The following FANCA variants were observed in gnomAD, a reference collection of about 807,000 sequenced individuals.
The protein encoded by FANCA is Fanconi anemia group A protein.
In FANCA, 236 loss-of-function variants were observed where a neutral mutation model predicts 194.3. The observed-to-expected ratio is 1.21, with a 90% CI of 1.09 to 1.35. FANCA has a LOEUF of 1.35. Among genes scored for constraint, FANCA ranks in the 40% most tolerant of loss-of-function variants. FANCA has a pLI of 0.00. For missense variants in FANCA, 2,628 were observed against 1,813.9 expected (o/e 1.45, Z -8.15); for synonymous variants, 1,014 against 715.8 (o/e 1.42, Z -6.65).
intron 17 of FANCA, among the ~76,000 whole-genome samples, chr16:89,782,129 A>G (rs1398101604): frequency 6.6e-6 from 1 of 151,808 alleles, no homozygotes; most frequent in Non-Finnish European, 1.5e-5. Flanking sequence ...TAATCCCAGC[A>G]CTTTGGGAGG....
chr16:89,785,440 G>C (rs970095620), intron 14 of FANCA, among the ~76,000 whole-genome samples: 2 of 152,160 alleles, frequency 1.3e-5, no homozygotes, highest in African/African-American at 4.8e-5. Flanking sequence ...TCATCCACCA[G>C]TGGACAGATC....
chr16:89,749,947 C>T lies in FANCA; in HGVS notation c.3067-45G>A, dbSNP rs188298580. The T allele has an allele frequency of 1.2e-5, 19 of 1,608,674 alleles. No individual in the cohort carries two copies. The East Asian group carries it at 3.1e-4, about 26-fold the overall frequency. ...TGGCACAGGAAGGCCTCGGGGCTCA[C>T]TGCCCAGCCAGTCGGGGACCCAGAC... On this transcript the variant is annotated intron_variant, in intron 31 of 42. Transcript: ENST00000389301.
chr16:89,743,907 C>T (rs1046962649), intron 36 of FANCA, among the ~76,000 whole-genome samples: 4 of 147,272 alleles, frequency 2.7e-5, no homozygotes, highest in African/African-American at 5.2e-5. Context: ...CCTGCTTTCT[C>T]CTTTTTTGAG....
At chr16:89,791,585 G>A (rs1015428393) in intron 13 of FANCA, 49 bp from the exon 14 acceptor site, 1 of 1,610,700 alleles carries the variant, frequency 6.2e-7, no homozygotes, top group Non-Finnish European at 8.5e-7. Context: ...GCAGCCAGCA[G>A]GAACATGACG....
rs372449817 is a variant in FANCA at position 89,745,023 on chromosome 16, G to A, written c.3562C>T (p.His1188Tyr). ...EPVLLCRWRR[H>Y]CQSPLPRELQ... ...TCCCGGGGCAGCGGGCTCTGGCAGT[G>A]TCTCCTCCACCGGCAGAGCAGCACA... is the stretch of plus-strand genomic sequence containing the variant. Residue 1188 changes from histidine to tyrosine, a missense_variant, in exon 36 of 43, where the codon CAC becomes TAC. His to Tyr is a moderately conservative substitution (Grantham distance 83). Transcript: ENST00000389301. 2 of 1,610,684 alleles carry A rather than the reference G, an allele frequency of 1.2e-6. No individual in the cohort carries two copies. The highest frequency in any genetic ancestry group is 1.7e-6 in the Non-Finnish European group (2 of 1,179,866).
At chr16:89,810,653 C>A in intron 5 of FANCA, 54 bp downstream of exon 5, 1 of 1,173,872 alleles carries the variant, frequency 8.5e-7, no homozygotes, top group South Asian at 1.2e-5. Context: ...CCATCCAGAT[C>A]AACAGAACAT....
At chr16:89,796,976 A>G (rs1254232080) in intron 10 of FANCA, among the ~76,000 whole-genome samples, 1 of 151,368 alleles carries the variant, frequency 6.6e-6, no homozygotes, top group East Asian at 2.0e-4. Context: ...GGCCAACCCA[A>G]CGAAACCCCA....
At chr16:89,781,776 G>A (rs1181314698) in intron 17 of FANCA, among the ~76,000 whole-genome samples, 1 of 151,958 alleles carries the variant, frequency 6.6e-6, no homozygotes, top group Non-Finnish European at 1.5e-5. Context: ...GAGACGGGCG[G>A]ATCACGAGGT....
chr16:89,793,621 GT>G (rs1447214453), intron 11 of FANCA, among the ~76,000 whole-genome samples: 3 of 152,112 alleles, frequency 2.0e-5, no homozygotes, highest in Non-Finnish European at 4.4e-5. Flanking sequence ...TTTGGACAGG[GT>G]CTCACTATCA....
At chr16:89,792,975 T>A (rs564008577) in intron 11 of FANCA, among the ~76,000 whole-genome samples, 1 of 152,336 alleles carries the variant, frequency 6.6e-6, no homozygotes, top group East Asian at 1.9e-4. Flanking sequence ...TTCACTAATT[T>A]ACTACTGCTA....
intron 27 of FANCA, among the ~76,000 whole-genome samples, chr16:89,766,620 CAGG>C (rs1285298249): frequency 1.3e-5 from 2 of 151,730 alleles, no homozygotes; most frequent in Admixed American, 6.6e-5. Context: ...GAAGCTAAGG[CAGG>C]AGAACTGCCT....
rs1449256603 is a variant in FANCA, at chr16:89,816,641, G to A, written c.-26C>T. The A allele has an allele frequency of 2.6e-6, 4 of 1,514,760 alleles. No individual in the cohort carries two copies. The highest frequency in any genetic ancestry group is 2.3e-4 in the Middle Eastern group (1 of 4,368). The allele number at this position is 1,514,760 out of a possible 1,614,324, so 93.8% of individuals were successfully genotyped here. On this transcript the variant is annotated 5_prime_UTR_variant, in exon 1 of 43. Transcript: ENST00000389301. ...GGCCTTGGCGCCTACAGCCCCGGCG[G>A]CGGCTCCCTGCGCCCGAGCCCGCGC...
Position 89,738,477 on chromosome 16 carries a change from C to T in FANCA, c.*124G>A. 1 of 1,482,682 alleles carries T rather than the reference C, an allele frequency of 6.7e-7. No individual in the cohort carries two copies. The highest frequency in any genetic ancestry group is 1.2e-5 in the South Asian group (1 of 85,388). The allele number at this position is 1,482,682 out of a possible 1,614,324, so 91.8% of individuals were successfully genotyped here. A position where few individuals can be genotyped will look rare whatever the true frequency, so the allele number is the denominator to read the frequency against. ...CCGGACAGTTCATAAATAATTGATT[C>T]CTTTCCCCACTAAAGCAGTCGAGGA... On this transcript the variant is annotated 3_prime_UTR_variant, in exon 43 of 43. Transcript: ENST00000389301.
chr16:89,749,603 TTGGGGTGGGGAC>T, intron 32 of FANCA, 115 bp downstream of exon 32: 1 of 1,198,496 alleles, frequency 8.3e-7, no homozygotes, highest in Admixed American at 2.0e-5. Flanking sequence ...ATGGACAGGC[TTGGGGTGGGGAC>T]ACACAGACAA....
chr16:89,779,366 T>G (rs188014295), intron 18 of FANCA, among the ~76,000 whole-genome samples: 121 of 152,206 alleles, frequency 7.9e-4, no homozygotes, highest in South Asian at 6.2e-4. Context: ...CCACCAGAAT[T>G]CAAGATGTTT....
At chr16:89,816,040 C>T (rs1166166905) in intron 1 of FANCA, 54 bp from the exon 2 acceptor site, 2 of 1,373,132 alleles carry the variant, frequency 1.5e-6, no homozygotes, top group East Asian at 2.3e-5. Context: ...ACACGGGGTC[C>T]CCGGCCCGAC....
intron 36 of FANCA, 158 bp downstream of exon 36, chr16:89,744,801 C>A: frequency 1.4e-6 from 1 of 714,098 alleles, no homozygotes; most frequent in Non-Finnish European, 2.5e-6. Flanking sequence ...GGATTACAGG[C>A]GCCCACCACC....
At chr16:89,773,955 G>C (rs1477626606) in intron 21 of FANCA, among the ~76,000 whole-genome samples, 1 of 151,956 alleles carries the variant, frequency 6.6e-6, no homozygotes, top group Non-Finnish European at 1.5e-5. Context: ...ATTTTTAGTA[G>C]AGACGGGATT....
In FANCA at chr16:89,738,869, A is replaced by C; in HGVS notation, c.4260+13T>G. On this transcript the variant is annotated intron_variant, in intron 42 of 42. Transcript: ENST00000389301. Reference sequence around the variant, plus strand: ...GTCCCCCACATGGCCCAAGGTGGGCATCTTGACGTTACCTCTGCCACGTGT... The same window carrying C: ...GTCCCCCACATGGCCCAAGGTGGGCCTCTTGACGTTACCTCTGCCACGTGT... 3 of 1,614,254 alleles carry C rather than the reference A, an allele frequency of 1.9e-6. No homozygotes were observed. The highest frequency in any genetic ancestry group is 2.5e-6 in the Non-Finnish European group (3 of 1,180,042).
Sources: gnomAD v4.1 joint callset for allele counts (sites outside exome capture counted in the v4.1 genomes callset) on GRCh38, gnomAD v4.1.1 for gene constraint, MANE v1.5 for transcripts, NCBI Gene and HGNC (gene_info 2026-07-23, HGNC 2026-07-21) for gene names.